The following TSPAN18 variants were observed in gnomAD, a reference collection of about 807,000 sequenced individuals.
The protein encoded by TSPAN18 is tetraspanin-18.
TSPAN18 carries 14 observed loss-of-function variants against 27.3 expected under a neutral mutation model. The observed-to-expected ratio is 0.51, with a 90% CI of 0.34 to 0.80. The LOEUF (loss-of-function observed/expected upper bound fraction) is 0.80, where lower values mean the gene tolerates loss of function less well. Ranked by LOEUF, TSPAN18 falls within the 30% of genes least tolerant of loss-of-function variation. TSPAN18 has a pLI of 0.01. For synonymous variants in TSPAN18, 143 were observed against 136.5 expected (o/e 1.05, Z -0.33); for missense variants, 268 against 323.9 (o/e 0.83, Z 1.32).
chr11:44,930,518 C>A lies in TSPAN18; in HGVS notation c.*1340C>A. 4.1e-6 allele frequency: 1 copy of A among 241,850 alleles called. No homozygotes were observed. The allele number at this position is 241,850 out of a possible 1,614,324, so 15.0% of individuals were successfully genotyped here. The stretch of plus-strand genomic sequence containing the variant: ...GGCATCGAGGCCATTTCTGCTGCAA[C>A]AAGGTTTCCTGTCTCTTCACTGTCC... On this transcript the variant is annotated 3_prime_UTR_variant, in exon 10 of 10. Transcript: ENST00000520358.
At chr11:44,791,156 G>A (rs560068312) in intron 2 of TSPAN18, among the ~76,000 whole-genome samples, 24 of 152,240 alleles carry the variant, frequency 1.6e-4, no homozygotes, top group Admixed American at 1.5e-3. Flanking sequence ...AACTGGGCCT[G>A]GGGGTGGTTT....
chr11:44,871,618 C>G (rs1858197796), intron 3 of TSPAN18, among the ~76,000 whole-genome samples: 1 of 152,208 alleles, frequency 6.6e-6, no homozygotes, highest in Non-Finnish European at 1.5e-5. Context: ...TCTGCCACGA[C>G]CAGCAGAACA....
rs746315646 is a variant in TSPAN18, at chr11:44,929,212, C to G, written c.*34C>G. On this transcript the variant is annotated 3_prime_UTR_variant, in exon 10 of 10. Coordinates refer to ENST00000520358, the MANE Select transcript of TSPAN18 (RefSeq NM_130783.5). ...GCCTGAAGCCTGAAGACTCGCCCCA[C>G]CCACCACTGCCCAGCACCCAGTGTC... The G allele has an allele frequency of 9.3e-6, 15 of 1,612,806 alleles. No individual in the cohort carries two copies. The highest frequency in any genetic ancestry group is 1.3e-5 in the Non-Finnish European group (15 of 1,179,820).
intron 2 of TSPAN18, among the ~76,000 whole-genome samples, chr11:44,814,253 T>C (rs767843383): frequency 1.3e-5 from 2 of 151,896 alleles, no homozygotes; most frequent in South Asian, 2.1e-4. Context: ...TTTTTTAAGA[T>C]AACAATCATC....
chr11:44,755,365 A>G (rs374384137), intron 1 of TSPAN18, among the ~76,000 whole-genome samples: 2 of 152,162 alleles, frequency 1.3e-5, no homozygotes, highest in South Asian at 2.1e-4. Flanking sequence ...ACAATTAACC[A>G]GGCTGATTGG....
At chr11:44,907,901 A>G (rs1340614768) in intron 4 of TSPAN18, among the ~76,000 whole-genome samples, 2 of 152,046 alleles carry the variant, frequency 1.3e-5, no homozygotes, top group East Asian at 3.9e-4. Flanking sequence ...CTAAAAATAC[A>G]AAAAGTAGCC....
At position 44,929,213 on chromosome 11, in the gene TSPAN18, C is replaced by G. The variant is rs1241600282; in HGVS notation, c.*35C>G. 1 of 1,612,988 alleles carries G rather than the reference C, an allele frequency of 6.2e-7. No individual in the cohort carries two copies. Among genetic ancestry groups the G allele is most frequent in the East Asian group, 2.2e-5 (1 of 44,880 alleles). On this transcript the variant is annotated 3_prime_UTR_variant, in exon 10 of 10. Transcript: ENST00000520358. ...CCTGAAGCCTGAAGACTCGCCCCAC[C>G]CACCACTGCCCAGCACCCAGTGTCC...
intron 3 of TSPAN18, among the ~76,000 whole-genome samples, chr11:44,904,953 A>T (rs1338068260): frequency 9.2e-5 from 14 of 152,156 alleles, no homozygotes; most frequent in Non-Finnish European, 2.1e-4. Flanking sequence ...TGGTCATCAG[A>T]GTACATACCT....
chr11:44,851,291 G>A (rs1857594380), intron 2 of TSPAN18, among the ~76,000 whole-genome samples: 1 of 152,158 alleles, frequency 6.6e-6, no homozygotes, highest in African/African-American at 2.4e-5. Flanking sequence ...CAGCTCCCTG[G>A]ATGTCACACT....
intron 8 of TSPAN18, among the ~76,000 whole-genome samples, chr11:44,925,087 C>A (rs7128635): frequency 0.28 from 42,344 of 152,096 alleles, 8,538 homozygotes; most frequent in African/African-American, 0.57. Flanking sequence ...GTCATACAGC[C>A]CTTAACTGGG....
intron 1 of TSPAN18, among the ~76,000 whole-genome samples, chr11:44,760,985 T>C (rs913857316): frequency 1.3e-5 from 2 of 152,130 alleles, no homozygotes; most frequent in African/African-American, 4.8e-5. Flanking sequence ...CTCTGCTAAA[T>C]CCTGCTACAC....
intron 1 of TSPAN18, among the ~76,000 whole-genome samples, chr11:44,727,551 G>A (rs1661659574): frequency 6.6e-6 from 1 of 152,078 alleles, no homozygotes; most frequent in African/African-American, 2.4e-5. Context: ...GTGCAGAGCC[G>A]GTGGGCTCCC....
intron 5 of TSPAN18, among the ~76,000 whole-genome samples, chr11:44,910,668 A>G (rs1859675202): frequency 6.6e-6 from 1 of 152,226 alleles, no homozygotes; most frequent in Admixed American, 6.5e-5. Flanking sequence ...ACGGTATGAT[A>G]TGGCCTCTGA....
chr11:44,865,404 A>G (rs1290625903), intron 3 of TSPAN18, among the ~76,000 whole-genome samples: 1 of 152,196 alleles, frequency 6.6e-6, no homozygotes, highest in Non-Finnish European at 1.5e-5. Context: ...AGAAAGGATG[A>G]TGATGGTGTA....
At chr11:44,923,949 G>C (rs1361691395) in intron 8 of TSPAN18, among the ~76,000 whole-genome samples, 1 of 152,186 alleles carries the variant, frequency 6.6e-6, no homozygotes, top group African/African-American at 2.4e-5. Context: ...AAGATGAGCT[G>C]TCAAGGCCCA....
At chr11:44,815,171 G>A (rs946874672) in intron 2 of TSPAN18, among the ~76,000 whole-genome samples, 1 of 152,194 alleles carries the variant, frequency 6.6e-6, no homozygotes, top group African/African-American at 2.4e-5. Context: ...TGTAATGTAG[G>A]GCAGGCACTC....
At chr11:44,776,901 G>A (rs1204381483) in intron 2 of TSPAN18, among the ~76,000 whole-genome samples, 3 of 152,202 alleles carry the variant, frequency 2.0e-5, no homozygotes, top group Non-Finnish European at 4.4e-5. Context: ...AAAGGGATTG[G>A]GTTTGGGACC....
At chr11:44,834,001 C>T (rs1312616843) in intron 2 of TSPAN18, among the ~76,000 whole-genome samples, 3 of 151,340 alleles carry the variant, frequency 2.0e-5, no homozygotes, top group South Asian at 2.1e-4. Context: ...TTTATAATGG[C>T]GGCTTCCTAG....
intron 1 of TSPAN18, among the ~76,000 whole-genome samples, chr11:44,744,921 C>G (rs920036343): frequency 1.2e-4 from 18 of 152,138 alleles, no homozygotes; most frequent in African/African-American, 3.6e-4. Context: ...GTGGATGAGC[C>G]TGTTTTACCC....
Sources: allele counts gnomAD v4.1 joint callset (sites outside exome capture counted in the v4.1 genomes callset), GRCh38; gene constraint gnomAD v4.1.1; transcripts MANE v1.5; gene names NCBI Gene and HGNC (gene_info 2026-07-23, HGNC 2026-07-21).